PPM1L: variants seen among roughly 807,000 people sequenced by gnomAD.
The protein encoded by PPM1L is protein phosphatase 1L.
A neutral mutation model predicts 31.4 loss-of-function variants in PPM1L; 13 were observed. The observed-to-expected ratio is 0.41, with a 90% CI of 0.27 to 0.66. The LOEUF is 0.66. PPM1L is among the 30% of genes least tolerant of loss of function. The probability of loss-of-function intolerance (pLI) is 0.29; values close to 1 mark genes in which losing one functional copy is unlikely to be tolerated. For missense variants in PPM1L, 326 were observed against 453.7 expected (o/e 0.72, Z 2.56); for synonymous variants, 184 against 175.4 (o/e 1.05, Z -0.39).
At chr3:161,017,143 G>A (rs999497056) in intron 2 of PPM1L, among the ~76,000 whole-genome samples, 17 of 152,058 alleles carry the variant, frequency 1.1e-4, no homozygotes, top group Non-Finnish European at 7.4e-5. Context: ...TTCTTTTTCG[G>A]AGGTGGATTT....
At chr3:160,989,977 T>TTTTTGTTTTGTTTTG (rs71628438) in intron 2 of PPM1L, among the ~76,000 whole-genome samples, 1,579 of 146,678 alleles carry the variant, frequency 0.011, 28 homozygotes, top group African/African-American at 0.038. Context: ...AGCAACGTTG[T>TTTTTGTTTTGTTTTG]TTTTGTTTTG....
At chr3:160,983,357 G>T (rs1716862700) in intron 2 of PPM1L, among the ~76,000 whole-genome samples, 1 of 151,632 alleles carries the variant, frequency 6.6e-6, no homozygotes, top group Admixed American at 6.6e-5. Flanking sequence ...AGGATAATCA[G>T]CATTCCACAG....
intron 1 of PPM1L, among the ~76,000 whole-genome samples, chr3:160,888,690 A>G (rs1035035832): frequency 6.6e-6 from 1 of 152,242 alleles, no homozygotes; most frequent in Non-Finnish European, 1.5e-5. Flanking sequence ...ATAGACATCT[A>G]CAGAACTCTC....
intron 1 of PPM1L, among the ~76,000 whole-genome samples, chr3:160,915,424 G>A (rs1427152066): frequency 6.6e-6 from 1 of 152,058 alleles, no homozygotes; most frequent in East Asian, 1.9e-4. Context: ...ACAAACAAAT[G>A]GAAGAACATT....
chr3:160,893,034 A>G (rs560538171), intron 1 of PPM1L, among the ~76,000 whole-genome samples: 11 of 152,334 alleles, frequency 7.2e-5, no homozygotes, highest in Admixed American at 1.3e-4. Flanking sequence ...AACTGGAGTT[A>G]GAATGTTATA....
chr3:160,845,422 G>C (rs558874118), intron 1 of PPM1L, among the ~76,000 whole-genome samples: 4 of 151,906 alleles, frequency 2.6e-5, no homozygotes, highest in Non-Finnish European at 2.9e-5. Flanking sequence ...ATTTGCAAAT[G>C]TTTTTTCCAT....
At chr3:160,821,063 A>G (rs2108090833) in intron 1 of PPM1L, among the ~76,000 whole-genome samples, 1 of 152,136 alleles carries the variant, frequency 6.6e-6, no homozygotes, top group South Asian at 2.1e-4. Context: ...GACAGCCTGT[A>G]TTTTGTAGAC....
intron 1 of PPM1L, among the ~76,000 whole-genome samples, chr3:160,784,677 G>T (rs1183948042): frequency 1.3e-5 from 2 of 152,154 alleles, no homozygotes; most frequent in Non-Finnish European, 2.9e-5. Flanking sequence ...CTCCCTACAT[G>T]CTCTCTCACT....
At chr3:160,942,482 G>A (rs1214586510) in intron 1 of PPM1L, among the ~76,000 whole-genome samples, 1 of 152,182 alleles carries the variant, frequency 6.6e-6, no homozygotes, top group Non-Finnish European at 1.5e-5. Flanking sequence ...TTACTTGTCA[G>A]TGTGGCAATT....
intron 2 of PPM1L, among the ~76,000 whole-genome samples, chr3:160,993,309 A>C (rs1479422847): frequency 6.6e-6 from 1 of 152,200 alleles, no homozygotes; most frequent in Non-Finnish European, 1.5e-5. Flanking sequence ...AACTATATGA[A>C]TTAGGGAGCA....
chr3:160,784,760 C>T (rs916382759), intron 1 of PPM1L, among the ~76,000 whole-genome samples: 2 of 152,132 alleles, frequency 1.3e-5, no homozygotes, highest in South Asian at 4.1e-4. Flanking sequence ...TATTATGCTC[C>T]ATAAGCACTG....
rs997323941 is a variant in PPM1L, at chr3:161,073,323, G to A, written c.*4166G>A. On this transcript the variant is annotated 3_prime_UTR_variant, in exon 4 of 4. Coordinates refer to ENST00000498165, the MANE Select transcript of PPM1L (RefSeq NM_139245.4). Reference sequence around the variant, plus strand: ...TTTTTGAGTGGCACCTAGTAACACTGCAAGGAACTTGTGTTCTAAAGAACA... The same window carrying A: ...TTTTTGAGTGGCACCTAGTAACACTACAAGGAACTTGTGTTCTAAAGAACA... 2 of 152,174 alleles carry A rather than the reference G, an allele frequency of 1.3e-5. No individual in the cohort carries two copies. Among genetic ancestry groups the A allele is most frequent in the Non-Finnish European group, 2.9e-5 (2 of 68,038 alleles). 9.4% of individuals were successfully genotyped at this position (152,174 alleles called of 1,614,324 possible).
chr3:160,941,896 TAAAA>T (rs1715174482), intron 1 of PPM1L, among the ~76,000 whole-genome samples: 1 of 152,240 alleles, frequency 6.6e-6, no homozygotes, highest in Admixed American at 6.5e-5. Context: ...TGATAAATGT[TAAAA>T]GAATGAATAC....
At chr3:160,799,167 A>G (rs769175579) in intron 1 of PPM1L, among the ~76,000 whole-genome samples, 42 of 152,242 alleles carry the variant, frequency 2.8e-4, no homozygotes, top group Non-Finnish European at 5.9e-4. Flanking sequence ...AATGACAACA[A>G]AGGATTTAGA....
chr3:160,897,254 G>T (rs565846717), intron 1 of PPM1L, among the ~76,000 whole-genome samples: 1 of 152,112 alleles, frequency 6.6e-6, no homozygotes, highest in South Asian at 2.1e-4. Context: ...TGTTGGCCAG[G>T]ATGGTCTCGA....
In PPM1L at chr3:161,078,279, C is replaced by G. The variant is rs1289356525; in HGVS notation, c.*9122C>G. 1 of 152,172 alleles carries G rather than the reference C, an allele frequency of 6.6e-6. No individual in the cohort carries two copies. The allele number at this position is 152,172 out of a possible 1,614,324, so 9.4% of individuals were successfully genotyped here. A position where few individuals can be genotyped will look rare whatever the true frequency, so the allele number is the denominator to read the frequency against. Reference sequence around the variant, plus strand: ...ACAGTATAATGTCTCAGAAGTTCTTCTCTCTTATCCTGCTGATGTTGAGAC... The same window carrying G: ...ACAGTATAATGTCTCAGAAGTTCTTGTCTCTTATCCTGCTGATGTTGAGAC... On this transcript the variant is annotated 3_prime_UTR_variant, in exon 4 of 4. Coordinates refer to ENST00000498165, the MANE Select transcript of PPM1L (RefSeq NM_139245.4).
At chr3:160,885,971 C>G (rs955621232) in intron 1 of PPM1L, among the ~76,000 whole-genome samples, 1 of 152,146 alleles carries the variant, frequency 6.6e-6, no homozygotes, top group Non-Finnish European at 1.5e-5. Flanking sequence ...GGGGGAAGGG[C>G]GTCATTCATC....
chr3:160,797,897 G>A (rs1001069391), intron 1 of PPM1L, among the ~76,000 whole-genome samples: 1 of 152,130 alleles, frequency 6.6e-6, no homozygotes, highest in East Asian at 1.9e-4. Flanking sequence ...AGTGCAAGGT[G>A]GGCCGGGCAC....
intron 1 of PPM1L, among the ~76,000 whole-genome samples, chr3:160,850,056 T>C (rs1255074654): frequency 6.6e-6 from 1 of 152,202 alleles, no homozygotes; most frequent in African/African-American, 2.4e-5. Context: ...ACTGCCCTTA[T>C]TTCAGACACT....
Sources: allele counts gnomAD v4.1 joint callset (sites outside exome capture counted in the v4.1 genomes callset), GRCh38; gene constraint gnomAD v4.1.1; transcripts MANE v1.5; gene names NCBI Gene and HGNC (gene_info 2026-07-23, HGNC 2026-07-21).